The following PSMA1 variants were observed in gnomAD, a reference collection of about 807,000 sequenced individuals.
The protein encoded by PSMA1 is proteasome 20S subunit alpha 1.
Under a neutral mutation model 38.4 loss-of-function variants are expected in PSMA1, and 3 were observed. The observed-to-expected ratio is 0.08, with a 90% CI of 0.04 to 0.20. The LOEUF (loss-of-function observed/expected upper bound fraction) is 0.20, where lower values mean the gene tolerates loss of function less well. PSMA1 is among the 10% of genes least tolerant of loss of function. The pLI, the probability that PSMA1 is intolerant of heterozygous loss-of-function variation, is 1.00. For synonymous variants in PSMA1, 101 were observed against 107.1 expected (o/e 0.94, Z 0.35); for missense variants, 227 against 325.3 (o/e 0.70, Z 2.32).
intron 2 of PSMA1, among the ~76,000 whole-genome samples, chr11:14,525,434 C>T (rs1168808975): frequency 3.3e-5 from 5 of 152,050 alleles, no homozygotes; most frequent in East Asian, 1.9e-4. Flanking sequence ...ACCCTTACCC[C>T]GCTCAACGCC....
At chr11:14,518,103 A>G in intron 2 of PSMA1, 122 bp from the exon 3 acceptor site, 2 of 694,864 alleles carry the variant, frequency 2.9e-6, no homozygotes, top group East Asian at 3.0e-5. Flanking sequence ...TAATCAAGAG[A>G]CCTTTTTTTT....
intron 2 of PSMA1, among the ~76,000 whole-genome samples, chr11:14,594,102 TGAA>T (rs1231536669): frequency 6.6e-6 from 1 of 152,214 alleles, no homozygotes; most frequent in Non-Finnish European, 1.5e-5. Context: ...ATGGCAGAGC[TGAA>T]GAATGGAAAG....
intron 4 of PSMA1, among the ~76,000 whole-genome samples, chr11:14,517,059 C>T (rs1241314334): frequency 6.6e-6 from 1 of 152,046 alleles, no homozygotes; most frequent in Non-Finnish European, 1.5e-5. Flanking sequence ...ATTTCAAAGC[C>T]CTATCTCTTC....
intron 2 of PSMA1, among the ~76,000 whole-genome samples, chr11:14,572,270 C>T (rs552326905): frequency 6.6e-6 from 1 of 152,256 alleles, no homozygotes; most frequent in East Asian, 1.9e-4. Flanking sequence ...GGAAGTAAAG[C>T]ACTCCTCAGC....
At chr11:14,536,715 C>G (rs1169576178) in intron 2 of PSMA1, among the ~76,000 whole-genome samples, 1 of 151,960 alleles carries the variant, frequency 6.6e-6, no homozygotes, top group African/African-American at 2.4e-5. Context: ...GAGTTCATGC[C>G]ATTCTCCTGC....
At chr11:14,533,305 C>T (rs1463496994) in intron 2 of PSMA1, among the ~76,000 whole-genome samples, 1 of 152,222 alleles carries the variant, frequency 6.6e-6, no homozygotes, top group African/African-American at 2.4e-5. Context: ...CATCTCTCCA[C>T]ATTGATTTGG....
At chr11:14,578,156 T>C (rs149372895) in intron 2 of PSMA1, among the ~76,000 whole-genome samples, 3,891 of 152,216 alleles carry the variant, frequency 0.026, 189 homozygotes, top group Admixed American at 0.13. Context: ...CAAGCCACCA[T>C]GGCAAGTGTA....
chr11:14,592,212 G>A (rs1377913413), intron 2 of PSMA1, among the ~76,000 whole-genome samples: 1 of 152,050 alleles, frequency 6.6e-6, no homozygotes, highest in Non-Finnish European at 1.5e-5. Flanking sequence ...CTCACCGCGA[G>A]GGTCCGCGGC....
chr11:14,621,075 C>G (rs909033844), intron 1 of PSMA1, among the ~76,000 whole-genome samples: 5 of 152,068 alleles, frequency 3.3e-5, no homozygotes, highest in African/African-American at 4.8e-5. Context: ...TGACCTATGT[C>G]AGAGATGAAA....
At chr11:14,608,553 A>T (rs1852670739) in intron 2 of PSMA1, among the ~76,000 whole-genome samples, 1 of 149,700 alleles carries the variant, frequency 6.7e-6, no homozygotes, top group South Asian at 2.1e-4. Flanking sequence ...CTAAAACTTA[A>T]AGTATAATAA....
intron 1 of PSMA1, among the ~76,000 whole-genome samples, chr11:14,632,754 CAG>C (rs1162871778): frequency 6.7e-6 from 1 of 150,026 alleles, no homozygotes; most frequent in Non-Finnish European, 1.5e-5. Flanking sequence ...TAATATCCTG[CAG>C]AGTGTTTTCC....
At position 14,536,319 on chromosome 11, in the gene PSMA1, G is replaced by A. The variant is rs529839244; in HGVS notation, c.22-17278C>T. Among the ~76,000 whole-genome samples the A allele has an allele frequency of 3.8e-3, 577 of 152,228 alleles. 2 individuals are homozygous for A. Among genetic ancestry groups the A allele is most frequent in the Non-Finnish European group, 6.5e-3 (441 of 68,024 alleles). On this transcript the variant is annotated intron_variant, in intron 2 of 10. Coordinates refer to the PSMA1 transcript ENST00000418988. ...AGGGGGGCGGATCACCTGCGGTCAA[G>A]AATTCGAAACCAGCCTGACCAACAT...
intron 2 of PSMA1, among the ~76,000 whole-genome samples, chr11:14,535,448 T>C (rs966598119): frequency 9.3e-5 from 14 of 150,970 alleles, no homozygotes; most frequent in East Asian, 1.9e-4. Flanking sequence ...TTCTTTCTTT[T>C]TTTTTTTTTT....
At chr11:14,507,221 G>A (rs377230070) in intron 9 of PSMA1, among the ~76,000 whole-genome samples, 1 of 151,562 alleles carries the variant, frequency 6.6e-6, no homozygotes, top group South Asian at 2.1e-4. Context: ...CAGGCTGGAG[G>A]GCAGTGGTAG....
chr11:14,535,604 C>A (rs1401388924), intron 2 of PSMA1, among the ~76,000 whole-genome samples: 5 of 151,844 alleles, frequency 3.3e-5, no homozygotes, highest in Non-Finnish European at 2.9e-5. Context: ...CCACCACACC[C>A]GGCTAATTTT....
intron 2 of PSMA1, among the ~76,000 whole-genome samples, chr11:14,532,891 C>CA (rs989016035): frequency 4.4e-4 from 57 of 130,002 alleles, no homozygotes; most frequent in East Asian, 6.7e-4. Context: ...GACTCTGTCT[C>CA]AAAAAAAAAA....
intron 8 of PSMA1, among the ~76,000 whole-genome samples, chr11:14,510,180 T>C (rs1015216825): frequency 3.3e-5 from 5 of 152,128 alleles, no homozygotes; most frequent in African/African-American, 9.7e-5. Flanking sequence ...ATTTCTTCCC[T>C]TTTCCTCTTC....
intron 2 of PSMA1, among the ~76,000 whole-genome samples, chr11:14,550,562 T>C (rs974774803): frequency 3.9e-5 from 6 of 152,028 alleles, no homozygotes; most frequent in African/African-American, 1.2e-4. Context: ...TTATTAGTAA[T>C]GATGGGTACC....
chr11:14,564,202 C>A (rs964445178), intron 2 of PSMA1, among the ~76,000 whole-genome samples: 22 of 152,146 alleles, frequency 1.4e-4, no homozygotes, highest in African/African-American at 5.1e-4. Context: ...CCTCCTACCC[C>A]CCCACCCCAC....
Sources: allele counts gnomAD v4.1 joint callset (sites outside exome capture counted in the v4.1 genomes callset), GRCh38; gene constraint gnomAD v4.1.1; transcripts MANE v1.5; gene names NCBI Gene and HGNC (gene_info 2026-07-23, HGNC 2026-07-21).